Variants in PTPRR observed in about 807,000 individuals in gnomAD.
The protein encoded by PTPRR is protein tyrosine phosphatase receptor type R.
A neutral mutation model predicts 77.2 loss-of-function variants in PTPRR; 38 were observed. The ratio of observed to expected loss-of-function variants is 0.49; its 90% CI spans 0.38 to 0.65. The LOEUF (loss-of-function observed/expected upper bound fraction) is 0.65, where lower values mean the gene tolerates loss of function less well. Ranked by LOEUF, PTPRR falls within the 30% of genes least tolerant of loss-of-function variation. The pLI is 0.00. For synonymous variants in PTPRR, 299 were observed against 283.1 expected, an observed-to-expected ratio of 1.06 and a Z score of -0.57; for missense variants, 744 against 799.2, an observed-to-expected ratio of 0.93 and a Z score of 0.83.
chr12:70,869,278 T>C (rs1378045335), intron 2 of PTPRR, among the ~76,000 whole-genome samples: 5 of 152,220 alleles, frequency 3.3e-5, no homozygotes, highest in African/African-American at 1.2e-4. Flanking sequence ...ACTCAAAATA[T>C]GTCTGGTCCA....
Position 70,684,791 on chromosome 12 carries a change from A to C in PTPRR, c.1280-8T>G. The C allele has an allele frequency of 6.3e-7, 1 of 1,576,066 alleles. No individual in the cohort carries two copies. The highest frequency in any genetic ancestry group is 8.6e-7 in the Non-Finnish European group (1 of 1,158,610). ...ACACTCTGCTGAGGGGATCTAATGA[A>C]GAAAACAAAAAAGAATATATTAAAC... On this transcript the variant is annotated splice_polypyrimidine_tract_variant and splice_region_variant and intron_variant, in intron 8 of 13. Coordinates refer to ENST00000283228, the MANE Select transcript of PTPRR (RefSeq NM_002849.4).
At chr12:70,762,486 C>T (rs1364762620) in intron 3 of PTPRR, among the ~76,000 whole-genome samples, 1 of 152,150 alleles carries the variant, frequency 6.6e-6, no homozygotes, top group Non-Finnish European at 1.5e-5. Flanking sequence ...AATGAAGTAT[C>T]AGTTTACTAC....
chr12:70,641,840 C>A (rs1332699810), intron 13 of PTPRR, among the ~76,000 whole-genome samples: 1 of 152,050 alleles, frequency 6.6e-6, no homozygotes, highest in Admixed American at 6.6e-5. Flanking sequence ...CTGAAATAAC[C>A]CAAAAGACGT....
intron 1 of PTPRR, among the ~76,000 whole-genome samples, chr12:70,902,928 T>C (rs181900112): frequency 1.3e-4 from 20 of 151,940 alleles, no homozygotes; most frequent in Middle Eastern, 6.8e-3. Context: ...GTAATACTAT[T>C]CAGTCTTATA....
rs1889098368 is a variant in PTPRR, at chr12:70,718,026, ATCT to A, written c.1008-16706_1008-16704del. Among the ~76,000 whole-genome samples the A allele has an allele frequency of 2.0e-5, 3 of 152,364 alleles. No homozygotes were observed. In the South Asian group the frequency reaches 6.2e-4, roughly 32 times the overall value. On this transcript the variant is annotated intron_variant, in intron 6 of 13. Transcript: ENST00000283228. ...TCTATGCTAAGAAAAGAAAAATACA[ATCT>A]TCTTTTTAAAAATACTATACAGCCA...
At chr12:70,758,202 A>T (rs1324701937) in intron 4 of PTPRR, among the ~76,000 whole-genome samples, 1 of 152,210 alleles carries the variant, frequency 6.6e-6, no homozygotes, top group African/African-American at 2.4e-5. Flanking sequence ...AGATTTCTAG[A>T]TTCCAACAAT....
intron 6 of PTPRR, among the ~76,000 whole-genome samples, chr12:70,710,182 T>C (rs7314072): frequency 0.81 from 122,522 of 152,076 alleles, 50,853 homozygotes; most frequent in East Asian, 1. Context: ...CAAAACAGCA[T>C]AGTACTGGGA....
At chr12:70,870,899 A>C (rs1565725195) in intron 2 of PTPRR, among the ~76,000 whole-genome samples, 1 of 152,252 alleles carries the variant, frequency 6.6e-6, no homozygotes, top group Non-Finnish European at 1.5e-5. Context: ...TATGTAAAGC[A>C]ACATGAATTC....
At chr12:70,672,359 G>C in intron 10 of PTPRR, 1 of 1,408,106 alleles carries the variant, frequency 7.1e-7, no homozygotes, top group Non-Finnish European at 1.0e-6. Flanking sequence ...TGATGAGATG[G>C]TCCTCCCATC....
At chr12:70,771,154 T>C (rs1399366838) in intron 2 of PTPRR, among the ~76,000 whole-genome samples, 1 of 140,330 alleles carries the variant, frequency 7.1e-6, no homozygotes, top group Non-Finnish European at 1.5e-5. Flanking sequence ...TAAAGTATAA[T>C]AATAATAAAT....
chr12:70,768,998 T>C (rs1890900546), intron 2 of PTPRR, among the ~76,000 whole-genome samples: 2 of 149,292 alleles, frequency 1.3e-5, no homozygotes, highest in South Asian at 4.2e-4. Flanking sequence ...TAGGTATTGA[T>C]GGGACATATC....
chr12:70,682,307 T>G (rs1887704738), intron 10 of PTPRR, among the ~76,000 whole-genome samples: 1 of 151,852 alleles, frequency 6.6e-6, no homozygotes, highest in Admixed American at 6.6e-5. Context: ...CCTCCCAAAG[T>G]GCTGGGATTA....
chr12:70,687,541 T>C (rs531833944), intron 8 of PTPRR, among the ~76,000 whole-genome samples: 1 of 152,200 alleles, frequency 6.6e-6, no homozygotes, highest in South Asian at 2.1e-4. Flanking sequence ...TAGAAGATGT[T>C]AATAAATTCT....
chr12:70,914,480 T>G (rs1893745592), intron 1 of PTPRR, among the ~76,000 whole-genome samples: 1 of 151,844 alleles, frequency 6.6e-6, no homozygotes, highest in Admixed American at 6.6e-5. Context: ...TCATGGAGAG[T>G]GGAGAACATC....
At chr12:70,679,961 T>G (rs1331505943) in intron 10 of PTPRR, among the ~76,000 whole-genome samples, 1 of 152,212 alleles carries the variant, frequency 6.6e-6, no homozygotes, top group African/African-American at 2.4e-5. Context: ...ACTTTGTTTC[T>G]TTCTTCTACT....
chr12:70,809,033 C>G (rs1891761372), intron 2 of PTPRR, among the ~76,000 whole-genome samples: 1 of 152,204 alleles, frequency 6.6e-6, no homozygotes, highest in Non-Finnish European at 1.5e-5. Flanking sequence ...CCCTTCTTTT[C>G]TCTTGCCATT....
chr12:70,779,166 C>CTTTTTTT (rs71899092), intron 2 of PTPRR, among the ~76,000 whole-genome samples: 1 of 143,452 alleles, frequency 7.0e-6, no homozygotes. Context: ...ATTTTTAAAT[C>CTTTTTTT]TTTTTTTTTT....
intron 10 of PTPRR, chr12:70,672,675 G>T (rs1409565491): frequency 7.1e-6 from 11 of 1,546,020 alleles, no homozygotes; most frequent in Non-Finnish European, 9.7e-6. Context: ...ACCAGATGGT[G>T]GTCAAGACAG....
intron 1 of PTPRR, among the ~76,000 whole-genome samples, chr12:70,904,666 A>T (rs1893593958): frequency 2.0e-5 from 3 of 151,916 alleles, no homozygotes; most frequent in African/African-American, 7.2e-5. Context: ...ACACCAAAAA[A>T]GTCAATAGGT....
Sources: allele counts gnomAD v4.1 joint callset (sites outside exome capture counted in the v4.1 genomes callset), GRCh38; gene constraint gnomAD v4.1.1; transcripts MANE v1.5; gene names NCBI Gene and HGNC (gene_info 2026-07-23, HGNC 2026-07-21).